Variants in MDGA2 observed in about 807,000 individuals in gnomAD.
The protein encoded by MDGA2 is MAM domain containing glycosylphosphatidylinositol anchor 2.
A neutral mutation model predicts 117.8 loss-of-function variants in MDGA2; 40 were observed. The observed-to-expected ratio is 0.34, with a 90% confidence interval of 0.26 to 0.44. MDGA2 has a LOEUF of 0.44. MDGA2 is among the 20% of genes least tolerant of loss of function. The pLI is 1.00. For synonymous variants in MDGA2, 452 were observed against 439.0 expected, an observed-to-expected ratio of 1.03 and a Z score of -0.37; for missense variants, 1,123 against 1,250.6, an observed-to-expected ratio of 0.90 and a Z score of 1.54.
At chr14:47,194,782 C>G (rs191476310) in intron 3 of MDGA2, among the ~76,000 whole-genome samples, 1 of 151,902 alleles carries the variant, frequency 6.6e-6, no homozygotes, top group Non-Finnish European at 1.5e-5. Context: ...CTCTCACTCT[C>G]TCTTTCTCTC....
chr14:47,388,522 T>A (rs951997769), intron 1 of MDGA2, among the ~76,000 whole-genome samples: 1 of 152,172 alleles, frequency 6.6e-6, no homozygotes, highest in Non-Finnish European at 1.5e-5. Context: ...TAGGAAGTGA[T>A]TATCAGTTCA....
chr14:47,547,508 A>C (rs1222592604), intron 1 of MDGA2, among the ~76,000 whole-genome samples: 1 of 152,162 alleles, frequency 6.6e-6, no homozygotes, highest in African/African-American at 2.4e-5. Flanking sequence ...AACGGAATAC[A>C]AAGTTGGGAG....
intron 3 of MDGA2, among the ~76,000 whole-genome samples, chr14:47,206,201 C>T (rs1244583611): frequency 6.6e-6 from 1 of 151,988 alleles, no homozygotes; most frequent in Non-Finnish European, 1.5e-5. Flanking sequence ...GCCATCATGT[C>T]TTTGCCTGAA....
chr14:47,551,024 T>A (rs1031927335), intron 1 of MDGA2, among the ~76,000 whole-genome samples: 2 of 152,186 alleles, frequency 1.3e-5, no homozygotes, highest in African/African-American at 4.8e-5. Flanking sequence ...AGAGTCTTAT[T>A]AATTTACACT....
chr14:47,323,185 T>TAA (rs1890038925), intron 1 of MDGA2, among the ~76,000 whole-genome samples: 1 of 99,190 alleles, frequency 1.0e-5, no homozygotes, highest in African/African-American at 3.5e-5. Flanking sequence ...TATATATATA[T>TAA]ATATATATGG....
intron 1 of MDGA2, among the ~76,000 whole-genome samples, chr14:47,580,780 A>G (rs942052083): frequency 1.3e-5 from 2 of 151,768 alleles, no homozygotes; most frequent in African/African-American, 4.8e-5. Flanking sequence ...TTCTTACTCT[A>G]TGGTTTGCAA....
At chr14:47,665,081 A>G (rs917538581) in intron 1 of MDGA2, among the ~76,000 whole-genome samples, 7 of 152,088 alleles carry the variant, frequency 4.6e-5, no homozygotes, top group African/African-American at 1.7e-4. Context: ...TTACACACCC[A>G]TTCCAGGACT....
chr14:47,675,365 T>G lies in MDGA2; in HGVS notation c.-569A>C. 9.2e-6 allele frequency among the ~76,000 whole-genome samples: 1 copy of G among 108,500 alleles called. No individual in the cohort carries two copies. Among genetic ancestry groups the G allele is most frequent in the Non-Finnish European group, 1.9e-5 (1 of 52,194 alleles). 71.2% of individuals were successfully genotyped at this position (108,500 alleles called of 152,430 possible). A position where few individuals can be genotyped will look rare whatever the true frequency, so the allele number is the denominator to read the frequency against. ...GGAGGAGGAAGAGGAGGAGTGGGGCTAGGGGAACGGGGGTGGGGAAGAGGG... is the reference window on the plus strand; with the variant it reads ...GGAGGAGGAAGAGGAGGAGTGGGGCGAGGGGAACGGGGGTGGGGAAGAGGG... On this transcript the variant is annotated 5_prime_UTR_variant, in exon 1 of 17. Transcript: ENST00000399232.
At chr14:47,541,989 G>A (rs4898573) in intron 1 of MDGA2, among the ~76,000 whole-genome samples, 47,462 of 152,040 alleles carry the variant, frequency 0.31, 8,380 homozygotes, top group East Asian at 0.59. Context: ...CTCTCTCAAC[G>A]CATTATCATC....
chr14:47,415,181 T>C (rs1010667149), intron 1 of MDGA2, among the ~76,000 whole-genome samples: 1 of 152,092 alleles, frequency 6.6e-6, no homozygotes, highest in Admixed American at 6.6e-5. Context: ...CCAGATATAA[T>C]TTTGGTTGCT....
Position 47,220,879 on chromosome 14 carries a change from T to A in MDGA2, c.421-2684A>T, listed in dbSNP as rs79880949. On this transcript the variant is annotated intron_variant, in intron 2 of 16. Transcript: ENST00000399232. ...CCATATCCATTCAAGAGCTCATTTG[T>A]GTGAAATAAAAATATTCAGTGATAT... Among the ~76,000 whole-genome samples, 1,061 of 152,266 alleles carry A rather than the reference T, an allele frequency of 7.0e-3. 14 individuals are homozygous for A. Among genetic ancestry groups the A allele is most frequent in the African/African-American group, 0.025 (1,025 of 41,542 alleles).
intron 8 of MDGA2, among the ~76,000 whole-genome samples, chr14:46,989,597 A>C (rs1382243644): frequency 1.3e-5 from 2 of 152,150 alleles, no homozygotes; most frequent in South Asian, 4.1e-4. Context: ...TAAACTACTG[A>C]GTAATTTGCC....
At chr14:47,541,428 T>A (rs187886284) in intron 1 of MDGA2, among the ~76,000 whole-genome samples, 9 of 152,338 alleles carry the variant, frequency 5.9e-5, no homozygotes, top group Admixed American at 3.3e-4. Context: ...GGTATATTAA[T>A]TTAATTCCTC....
At chr14:47,061,982 A>T (rs1458727453) in intron 6 of MDGA2, among the ~76,000 whole-genome samples, 1 of 152,000 alleles carries the variant, frequency 6.6e-6, no homozygotes, top group Admixed American at 6.6e-5. Context: ...CTATGTCACT[A>T]CTTAGTTATT....
chr14:47,532,226 C>T (rs564977463), intron 1 of MDGA2, among the ~76,000 whole-genome samples: 4 of 152,182 alleles, frequency 2.6e-5, no homozygotes, highest in South Asian at 4.1e-4. Context: ...AAGTCAATTA[C>T]GATTGCAGTC....
intron 1 of MDGA2, among the ~76,000 whole-genome samples, chr14:47,427,357 C>G (rs1336788392): frequency 1.3e-5 from 2 of 152,048 alleles, no homozygotes; most frequent in Non-Finnish European, 2.9e-5. Context: ...TGAGAGGTGT[C>G]AGGTAAAACA....
intron 1 of MDGA2, among the ~76,000 whole-genome samples, chr14:47,647,099 T>C (rs757553608): frequency 6.6e-6 from 1 of 152,296 alleles, no homozygotes; most frequent in Non-Finnish European, 1.5e-5. Flanking sequence ...TTCTAATATG[T>C]CAAATGTTCA....
At chr14:46,846,886 A>G (rs375703837) in intron 15 of MDGA2, among the ~76,000 whole-genome samples, 3 of 152,160 alleles carry the variant, frequency 2.0e-5, no homozygotes, top group African/African-American at 7.2e-5. Flanking sequence ...TGCTTTATTA[A>G]TAACATTTCT....
intron 1 of MDGA2, among the ~76,000 whole-genome samples, chr14:47,643,204 T>A (rs1471059945): frequency 6.6e-6 from 1 of 152,086 alleles, no homozygotes; most frequent in Non-Finnish European, 1.5e-5. Context: ...TTATTTTTAA[T>A]TCTATTCATA....
Sources: allele counts gnomAD v4.1 joint callset (sites outside exome capture counted in the v4.1 genomes callset), GRCh38; gene constraint gnomAD v4.1.1; transcripts MANE v1.5; gene names NCBI Gene and HGNC (gene_info 2026-07-23, HGNC 2026-07-21).